MLIP: variants seen among roughly 807,000 people sequenced by gnomAD.
MLIP encodes muscular LMNA-interacting protein.
A neutral mutation model predicts 84.8 loss-of-function variants in MLIP; 79 were observed. The observed-to-expected ratio is 0.93, with a 90% CI of 0.78 to 1.12. MLIP has a LOEUF of 1.12. MLIP is among the 50% of genes most tolerant of loss of function. The pLI is 0.00. For synonymous variants in MLIP, 504 were observed against 463.0 expected, an observed-to-expected ratio of 1.09 and a Z score of -1.14; for missense variants, 1,257 against 1,160.6, an observed-to-expected ratio of 1.08 and a Z score of -1.21.
At chr6:54,041,512 G>C (rs1382496936) in intron 1 of MLIP, among the ~76,000 whole-genome samples, 2 of 152,020 alleles carry the variant, frequency 1.3e-5, no homozygotes, top group East Asian at 3.9e-4. Context: ...GTTTTTCCAG[G>C]GTGGCCAAAA....
intron 1 of MLIP, among the ~76,000 whole-genome samples, chr6:54,093,985 T>C (rs1344394627): frequency 6.6e-6 from 1 of 152,160 alleles, no homozygotes; most frequent in Non-Finnish European, 1.5e-5. Context: ...ACAGGATAAA[T>C]ATCCAAAGAA....
intron 8 of MLIP, among the ~76,000 whole-genome samples, chr6:54,161,622 T>C (rs1774647442): frequency 6.6e-6 from 1 of 151,836 alleles, no homozygotes; most frequent in Admixed American, 6.6e-5. Context: ...TCTTAAAATA[T>C]GGGACACTGT....
intron 10 of MLIP, among the ~76,000 whole-genome samples, chr6:54,194,230 C>G (rs1231941709): frequency 1.3e-5 from 2 of 152,000 alleles, no homozygotes; most frequent in African/African-American, 2.4e-5. Flanking sequence ...TTCTGAGGGC[C>G]CTTTTAAGGC....
At chr6:54,169,398 AT>A (rs777681863) in intron 8 of MLIP, 129 bp from the exon 9 acceptor site, 63 of 446,492 alleles carry the variant, frequency 1.4e-4, no homozygotes, top group Non-Finnish European at 2.3e-4. Flanking sequence ...TTTCTAAAAA[AT>A]GATATTGTAT....
At chr6:54,227,931 C>G (rs985409362) in intron 11 of MLIP, among the ~76,000 whole-genome samples, 1 of 152,064 alleles carries the variant, frequency 6.6e-6, no homozygotes. Context: ...CGCCTGCAAT[C>G]CCAGCACTTT....
At chr6:54,079,354 T>C (rs1223962915) in intron 1 of MLIP, among the ~76,000 whole-genome samples, 1 of 152,198 alleles carries the variant, frequency 6.6e-6, no homozygotes, top group African/African-American at 2.4e-5. Context: ...ATGGGAAGGA[T>C]ACTGTTGCTG....
chr6:54,138,019 C>T lies in MLIP; in HGVS notation c.1950C>T (p.Asp650=), dbSNP rs1398007480. 2 of 1,536,146 alleles carry T rather than the reference C, an allele frequency of 1.3e-6. No homozygotes were observed. The highest frequency in any genetic ancestry group is 1.7e-6 in the Non-Finnish European group (2 of 1,146,898). The change falls in exon 4 of 14, where the codon GAC becomes GAT. Residue 650 remains aspartate, a synonymous_variant. Coordinates refer to ENST00000502396, the MANE Select transcript of MLIP (RefSeq NM_001281747.2). ...CTTCACTCCCTGTCTCCAGTGCTGA[C>T]TTTGCCTCTCTTCCCAACTTGAGGT... The part of the protein sequence containing the change: ...ALPSLPVSSA[D]FASLPNLRSS...
intron 1 of MLIP, among the ~76,000 whole-genome samples, chr6:54,115,690 G>A (rs1769854831): frequency 6.6e-6 from 1 of 152,204 alleles, no homozygotes; most frequent in Admixed American, 6.5e-5. Flanking sequence ...TAATACGGGT[G>A]TGGAAAGATG....
At chr6:54,111,716 C>A in intron 1 of MLIP, 141 bp downstream of exon 1, 1 of 893,618 alleles carries the variant, frequency 1.1e-6, no homozygotes, top group Non-Finnish European at 1.7e-6. Context: ...ATGCTATCTT[C>A]ACTTAGAGAA....
In MLIP at chr6:54,137,564, T is replaced by C; in HGVS notation, c.1495T>C (p.Ser499Pro). ...QSFHLPVFTK[S>P]TPLSQAPSLS... ...TTTTCACCTGCCTGTTTTCACCAAGTCTACTCCGCTTTCTCAGGCGCCCTC... is the reference window on the plus strand; with the variant it reads ...TTTTCACCTGCCTGTTTTCACCAAGCCTACTCCGCTTTCTCAGGCGCCCTC... The change falls in exon 4 of 14, where the codon TCT becomes CCT. Residue 499 changes from serine to proline, a missense_variant. Coordinates refer to ENST00000502396, the MANE Select transcript of MLIP (RefSeq NM_001281747.2). 1 of 1,536,090 alleles carries C rather than the reference T, an allele frequency of 6.5e-7. No individual in the cohort carries two copies. The highest frequency in any genetic ancestry group is 8.7e-7 in the Non-Finnish European group (1 of 1,146,894).
intron 4 of MLIP, among the ~76,000 whole-genome samples, chr6:54,145,385 C>CT (rs1474905710): frequency 6.6e-6 from 1 of 151,968 alleles, no homozygotes; most frequent in Non-Finnish European, 1.5e-5. Flanking sequence ...CAAAATGTGT[C>CT]TTTTTTTGGG....
intron 11 of MLIP, among the ~76,000 whole-genome samples, chr6:54,224,613 G>A (rs1384681370): frequency 1.3e-5 from 2 of 151,902 alleles, no homozygotes; most frequent in Admixed American, 6.6e-5. Flanking sequence ...AGTTATTGGG[G>A]TATAGGTGGT....
chr6:54,131,637 G>T (rs984757664), intron 3 of MLIP, among the ~76,000 whole-genome samples: 1 of 152,122 alleles, frequency 6.6e-6, no homozygotes, highest in Non-Finnish European at 1.5e-5. Context: ...ACTCAGTGCA[G>T]TGATTATATT....
intron 1 of MLIP, among the ~76,000 whole-genome samples, chr6:54,035,403 A>G (rs1010269737): frequency 1.3e-5 from 2 of 152,162 alleles, no homozygotes; most frequent in Non-Finnish European, 2.9e-5. Context: ...TTTAGCTATT[A>G]TAAATAAAGC....
intron 12 of MLIP, among the ~76,000 whole-genome samples, chr6:54,239,355 A>G (rs2150830384): frequency 7.1e-6 from 1 of 141,574 alleles, no homozygotes; most frequent in Non-Finnish European, 1.5e-5. Context: ...GGCCATTTAA[A>G]CATATATATA....
At chr6:54,167,731 A>C (rs1373448719) in intron 8 of MLIP, among the ~76,000 whole-genome samples, 1 of 151,874 alleles carries the variant, frequency 6.6e-6, no homozygotes, top group African/African-American at 2.4e-5. Flanking sequence ...AGACATTGGG[A>C]GCACTAGCCA....
chr6:54,035,179 C>T (rs1028678377), intron 1 of MLIP, among the ~76,000 whole-genome samples: 1 of 152,156 alleles, frequency 6.6e-6, no homozygotes, highest in Non-Finnish European at 1.5e-5. Flanking sequence ...GCCAAGGACT[C>T]ATTTCTTAGA....
At chr6:54,206,884 C>G (rs1199325722) in intron 11 of MLIP, among the ~76,000 whole-genome samples, 1 of 152,212 alleles carries the variant, frequency 6.6e-6, no homozygotes, top group African/African-American at 2.4e-5. Context: ...TTGTCACAAA[C>G]TACCACTTTT....
At chr6:54,222,522 T>C (rs1780286045) in intron 11 of MLIP, among the ~76,000 whole-genome samples, 1 of 152,090 alleles carries the variant, frequency 6.6e-6, no homozygotes, top group South Asian at 2.1e-4. Context: ...TCCAGGTTAA[T>C]TTATATTGTC....
Sources: gnomAD v4.1 joint callset for allele counts (sites outside exome capture counted in the v4.1 genomes callset) on GRCh38, gnomAD v4.1.1 for gene constraint, MANE v1.5 for transcripts, NCBI Gene and HGNC (gene_info 2026-07-23, HGNC 2026-07-21) for gene names.